Variants in PSMD1 observed in about 807,000 individuals in gnomAD.
PSMD1 encodes the protein proteasome 26S subunit, non-ATPase 1.
In PSMD1, 18 loss-of-function variants were observed where a neutral mutation model predicts 119.0. The observed-to-expected ratio is 0.15, with a 90% CI of 0.10 to 0.22. The LOEUF (loss-of-function observed/expected upper bound fraction) is 0.22. Ranked by LOEUF, PSMD1 falls within the 10% of genes least tolerant of loss-of-function variation. The pLI, the probability that PSMD1 is intolerant of heterozygous loss-of-function variation, is 1.00. For synonymous variants in PSMD1, 374 were observed against 396.6 expected, an observed-to-expected ratio of 0.94 and a Z score of 0.68; for missense variants, 702 against 1,158.5, an observed-to-expected ratio of 0.61 and a Z score of 5.72.
intron 18 of PSMD1, among the ~76,000 whole-genome samples, chr2:231,147,841 C>T (rs2125255440): frequency 6.6e-6 from 1 of 152,218 alleles, no homozygotes; most frequent in South Asian, 2.1e-4. Context: ...TAATAGCACA[C>T]CACCCTCATT....
At chr2:231,093,412 A>G (rs1694647477) in intron 16 of PSMD1, among the ~76,000 whole-genome samples, 1 of 152,020 alleles carries the variant, frequency 6.6e-6, no homozygotes, top group African/African-American at 2.4e-5. Context: ...GGCTTGTGTC[A>G]TCCTAGGAAG....
At chr2:231,095,882 G>C (rs113835890) in intron 16 of PSMD1, among the ~76,000 whole-genome samples, 1 of 152,172 alleles carries the variant, frequency 6.6e-6, no homozygotes, top group African/African-American at 2.4e-5. Context: ...GGTGAATTCC[G>C]AGGGCTGTTT....
At chr2:231,162,375 T>C (rs931655598) in intron 20 of PSMD1, among the ~76,000 whole-genome samples, 1 of 152,254 alleles carries the variant, frequency 6.6e-6, no homozygotes, top group Non-Finnish European at 1.5e-5. Flanking sequence ...GTATTGATTT[T>C]TCAGTATAGC....
intron 20 of PSMD1, 78 bp from the exon 21 acceptor site, chr2:231,163,557 G>T: frequency 1.0e-6 from 1 of 987,160 alleles, no homozygotes. Context: ...TTAAAACTTT[G>T]GTCTCCTTTT....
rs986137373 is a variant in PSMD1, at chr2:231,056,956, C to T, written c.-70C>T. 7 of 1,535,384 alleles carry T rather than the reference C, an allele frequency of 4.6e-6. No individual in the cohort carries two copies. Among genetic ancestry groups the T allele is most frequent in the Non-Finnish European group, 6.1e-6 (7 of 1,141,646 alleles). ...AAGGAGGCGCGGTGAACTGAGCGGC[C>T]CCTGAGCTGACAGATACACTGCGCA... On this transcript the variant is annotated 5_prime_UTR_variant, in exon 1 of 25. Coordinates refer to ENST00000308696, the MANE Select transcript of PSMD1 (RefSeq NM_002807.4).
intron 1 of PSMD1, among the ~76,000 whole-genome samples, chr2:231,057,669 G>A (rs1204074555): frequency 3.9e-5 from 6 of 152,364 alleles, no homozygotes; most frequent in Non-Finnish European, 8.8e-5. Context: ...ACCCTTTCGA[G>A]GTTATGTGCT....
At chr2:231,129,723 G>A (rs752069370) in intron 16 of PSMD1, among the ~76,000 whole-genome samples, 12 of 152,176 alleles carry the variant, frequency 7.9e-5, no homozygotes, top group East Asian at 1.9e-4. Flanking sequence ...ATGGAGGTAC[G>A]AAGAACAAAA....
At chr2:231,069,544 A>T (rs146070829) in intron 5 of PSMD1, among the ~76,000 whole-genome samples, 2 of 152,270 alleles carry the variant, frequency 1.3e-5, no homozygotes, top group African/African-American at 4.8e-5. Flanking sequence ...TTGTAGGGAG[A>T]GCACCAGACA....
At chr2:231,150,664 G>A (rs950290878) in intron 18 of PSMD1, among the ~76,000 whole-genome samples, 20 of 152,130 alleles carry the variant, frequency 1.3e-4, no homozygotes, top group African/African-American at 4.8e-4. Flanking sequence ...GTACTACACT[G>A]GGAGTATTGT....
At chr2:231,153,880 G>C (rs947009034) in intron 19 of PSMD1, among the ~76,000 whole-genome samples, 9 of 150,968 alleles carry the variant, frequency 6.0e-5, no homozygotes. Context: ...TTGGGAGGCC[G>C]AGGTGGGTGG....
chr2:231,109,497 T>G (rs1695084163), intron 16 of PSMD1: 3 of 1,146,508 alleles, frequency 2.6e-6, no homozygotes, highest in Non-Finnish European at 3.9e-6. Flanking sequence ...CCTTATAACT[T>G]TATGCTTGTT....
chr2:231,153,425 A>G (rs973042253), intron 18 of PSMD1, 139 bp from the exon 19 acceptor site: 3 of 653,236 alleles, frequency 4.6e-6, no homozygotes, highest in Non-Finnish European at 5.3e-6. Context: ...TCTGCCTTCA[A>G]GTCTGGTCCA....
chr2:231,141,772 T>C (rs1696123623), intron 17 of PSMD1, among the ~76,000 whole-genome samples: 1 of 152,206 alleles, frequency 6.6e-6, no homozygotes, highest in African/African-American at 2.4e-5. Flanking sequence ...GTTGCATGAA[T>C]GATGGATGGC....
chr2:231,110,057 G>A (rs996854704), intron 16 of PSMD1, among the ~76,000 whole-genome samples: 1 of 152,180 alleles, frequency 6.6e-6, no homozygotes, highest in Non-Finnish European at 1.5e-5. Flanking sequence ...TGGCGCTCAT[G>A]CCTGTAATTC....
At chr2:231,061,348 A>T in intron 2 of PSMD1, 38 bp downstream of exon 2, 1 of 1,472,278 alleles carries the variant, frequency 6.8e-7, no homozygotes, top group Non-Finnish European at 9.4e-7. Context: ...CTTAGTGTGA[A>T]TACTGTGAAG....
At chr2:231,091,910 C>T (rs571558479) in intron 16 of PSMD1, among the ~76,000 whole-genome samples, 2 of 152,162 alleles carry the variant, frequency 1.3e-5, no homozygotes, top group Non-Finnish European at 2.9e-5. Flanking sequence ...TGTCGGAATG[C>T]CAGCGCATCT....
At chr2:231,113,975 C>G (rs759948372) in intron 16 of PSMD1, 20 of 1,482,888 alleles carry the variant, frequency 1.3e-5, no homozygotes, top group Non-Finnish European at 1.9e-5. Flanking sequence ...TATAAAATGG[C>G]AACTTTCAGT....
intron 16 of PSMD1, among the ~76,000 whole-genome samples, chr2:231,137,489 A>G (rs956788989): frequency 1.3e-5 from 2 of 152,262 alleles, no homozygotes; most frequent in Middle Eastern, 3.4e-3. Context: ...AGAGCTGTAT[A>G]TGCAGCTTCA....
At chr2:231,075,402 A>C in intron 7 of PSMD1, 109 bp from the exon 8 acceptor site, 1 of 937,114 alleles carries the variant, frequency 1.1e-6, no homozygotes. Flanking sequence ...GTAATACTTT[A>C]GTAAACATTA....
Sources: allele counts gnomAD v4.1 joint callset (sites outside exome capture counted in the v4.1 genomes callset), GRCh38; gene constraint gnomAD v4.1.1; transcripts MANE v1.5; gene names NCBI Gene and HGNC (gene_info 2026-07-23, HGNC 2026-07-21).